The following PAPOLG variants were observed in gnomAD, a reference collection of about 807,000 sequenced individuals.
The protein encoded by PAPOLG is poly(A) polymerase gamma.
PAPOLG carries 40 observed loss-of-function variants against 99.0 expected under a neutral mutation model. The ratio of observed to expected loss-of-function variants is 0.40; its 90% CI spans 0.31 to 0.53. The LOEUF (loss-of-function observed/expected upper bound fraction) is 0.53, where lower values mean the gene tolerates loss of function less well. Ranked by LOEUF, PAPOLG falls within the 20% of genes least tolerant of loss-of-function variation. The pLI is 0.41. For missense variants in PAPOLG, 675 were observed against 884.1 expected (o/e 0.76, Z 3.00); for synonymous variants, 310 against 299.3 (o/e 1.04, Z -0.37).
Position 60,780,704 on chromosome 2 carries a change from C to G in PAPOLG, c.834-3C>G. ...GTAAGTTAATTTGCCTTATTCATGT[C>G]AGGGAATGGCCAAATCCTGTGCTGC... On this transcript the variant is annotated splice_polypyrimidine_tract_variant and splice_region_variant and intron_variant, in intron 9 of 21. Transcript: ENST00000238714. The G allele has an allele frequency of 6.2e-7, 1 of 1,613,872 alleles. No individual in the cohort carries two copies. Among genetic ancestry groups the G allele is most frequent in the Non-Finnish European group, 8.5e-7 (1 of 1,179,888 alleles).
At chr2:60,791,669 G>A in intron 15 of PAPOLG, 92 bp from the exon 16 acceptor site, 1 of 1,467,354 alleles carries the variant, frequency 6.8e-7, no homozygotes, top group Non-Finnish European at 9.1e-7. Context: ...TGATAGTGGG[G>A]AGATAGTAAA....
chr2:60,780,592 C>G (rs1288370676), intron 9 of PAPOLG, 115 bp from the exon 10 acceptor site: 3 of 1,119,454 alleles, frequency 2.7e-6, no homozygotes, highest in Non-Finnish European at 3.9e-6. Context: ...TCCTTTAATA[C>G]CAAATACCCA....
At chr2:60,791,980 TAAGG>T in intron 16 of PAPOLG, 98 bp downstream of exon 16, 1 of 1,483,412 alleles carries the variant, frequency 6.7e-7, no homozygotes, top group Non-Finnish European at 9.1e-7. Flanking sequence ...TTGAGAAAAA[TAAGG>T]AAGATATAGG....
intron 7 of PAPOLG, among the ~76,000 whole-genome samples, chr2:60,774,733 A>C (rs961637335): frequency 2.6e-5 from 4 of 152,174 alleles, no homozygotes; most frequent in African/African-American, 9.7e-5. Context: ...GTATTTGTGG[A>C]AAAGGTTTAC....
intron 1 of PAPOLG, among the ~76,000 whole-genome samples, chr2:60,759,914 C>T (rs1670473272): frequency 6.6e-6 from 1 of 152,186 alleles, no homozygotes; most frequent in Non-Finnish European, 1.5e-5. Flanking sequence ...CTTGAAAAAA[C>T]ATCCTAACCA....
In PAPOLG at chr2:60,761,798, C is replaced by T. The variant is rs201796983; in HGVS notation, c.237C>T (p.Ser79=). 8.9e-5 allele frequency: 141 copies of T among 1,591,208 alleles called. No individual in the cohort carries two copies. Among genetic ancestry groups the T allele is most frequent in the Non-Finnish European group, 1.1e-4 (129 of 1,159,796 alleles). Residue 79 remains serine, a synonymous_variant, in exon 3 of 22, where the codon AGC becomes AGT. Transcript: ENST00000238714. The stretch of plus-strand genomic sequence containing the variant: ...TAAAAGAATGGATTTCTGATGTCAG[C>T]GAGAGTAAGGTAAGACTCTAAACTA... ...NLVKEWISDV[S]ESKNLPPSVV... is the part of the protein sequence containing the mutation.
Position 60,791,816 on chromosome 2 carries a change from A to G in PAPOLG, c.1452A>G (p.Ala484=). The G allele has an allele frequency of 6.2e-7, 1 of 1,613,868 alleles. No individual in the cohort carries two copies. The highest frequency in any genetic ancestry group is 8.5e-7 in the Non-Finnish European group (1 of 1,179,926). Residue 484 remains alanine, a synonymous_variant, in exon 16 of 22, where the codon GCA becomes GCG. Coordinates refer to ENST00000238714, the MANE Select transcript of PAPOLG (RefSeq NM_022894.4). ...TAAAGGAGGGAATGAAAATTGAAGC[A>G]ACTCATGTAAAGAAAAAACAACTTC... is the stretch of plus-strand genomic sequence containing the variant. ...NMLKEGMKIE[A]THVKKKQLHH... is the part of the protein sequence containing the mutation.
In PAPOLG at chr2:60,795,026, A is replaced by G; in HGVS notation, c.2112+6A>G. The G allele has an allele frequency of 1.2e-6, 2 of 1,606,792 alleles. No homozygotes were observed. The highest frequency in any genetic ancestry group is 1.7e-6 in the Non-Finnish European group (2 of 1,173,726). On this transcript the variant is annotated splice_donor_region_variant and intron_variant, in intron 21 of 21. Coordinates refer to ENST00000238714, the MANE Select transcript of PAPOLG (RefSeq NM_022894.4). ...TTGATACATCACGCAAAAAGGTAAC[A>G]AGATAGTCTTGTTCATAGGTACAGT...
intron 3 of PAPOLG, among the ~76,000 whole-genome samples, chr2:60,764,548 C>T (rs1396089386): frequency 6.6e-6 from 1 of 152,066 alleles, no homozygotes; most frequent in Middle Eastern, 3.2e-3. Context: ...ACCTCAGCCT[C>T]CCTAGTAGCT....
At chr2:60,766,065 A>G (rs565003383) in intron 3 of PAPOLG, among the ~76,000 whole-genome samples, 109 of 152,246 alleles carry the variant, frequency 7.2e-4, no homozygotes, top group Non-Finnish European at 1.2e-3. Context: ...TATTATATAG[A>G]TACTTACATT....
At chr2:60,778,922 G>A (rs542276287) in intron 8 of PAPOLG, among the ~76,000 whole-genome samples, 2 of 151,988 alleles carry the variant, frequency 1.3e-5, no homozygotes, top group South Asian at 4.2e-4. Context: ...AATATAGATA[G>A]CTATATAAAA....
intron 21 of PAPOLG, 72 bp downstream of exon 21, chr2:60,795,092 G>A (rs957139610): frequency 7.6e-7 from 1 of 1,315,190 alleles, no homozygotes; most frequent in African/African-American, 1.5e-5. Context: ...AGTACAAAAG[G>A]CTTATTAAGA....
intron 15 of PAPOLG, among the ~76,000 whole-genome samples, chr2:60,790,935 A>G (rs1204455294): frequency 6.6e-6 from 1 of 152,166 alleles, no homozygotes; most frequent in Non-Finnish European, 1.5e-5. Context: ...CAAAAAATCC[A>G]AAAAGTAGCT....
chr2:60,791,809 T>C lies in PAPOLG; in HGVS notation c.1445T>C (p.Ile482Thr). 1 of 1,613,676 alleles carries C rather than the reference T, an allele frequency of 6.2e-7. No individual in the cohort carries two copies. Among genetic ancestry groups the C allele is most frequent in the Non-Finnish European group, 8.5e-7 (1 of 1,179,892 alleles). The change falls in exon 16 of 22, where the codon ATT becomes ACT. Residue 482 changes from isoleucine (I) to threonine (T), a missense_variant. Physicochemically the swap from Ile to Thr is moderately conservative, Grantham distance 89 (BLOSUM62 -1). This residue lies in a region of PAPOLG where 413 missense variants were observed against 460.5 expected (regional missense o/e 0.90). Transcript: ENST00000238714. ...AATATGCTAAAGGAGGGAATGAAAA[T>C]TGAAGCAACTCATGTAAAGAAAAAA... ...NINMLKEGMK[I>T]EATHVKKKQL...
At chr2:60,783,951 C>T (rs967584455) in intron 13 of PAPOLG, among the ~76,000 whole-genome samples, 8 of 152,112 alleles carry the variant, frequency 5.3e-5, no homozygotes, top group Non-Finnish European at 5.9e-5. Context: ...CTGATAGCTA[C>T]CATCTGAGTT....
At chr2:60,781,181 C>A (rs542642202) in intron 10 of PAPOLG, among the ~76,000 whole-genome samples, 54 of 152,184 alleles carry the variant, frequency 3.5e-4, no homozygotes, top group South Asian at 1.9e-3. Flanking sequence ...CGTGGTGAAA[C>A]CCCCTCTCTA....
chr2:60,781,798 T>C, intron 10 of PAPOLG, 87 bp from the exon 11 acceptor site: 1 of 1,539,798 alleles, frequency 6.5e-7, no homozygotes, highest in Non-Finnish European at 8.9e-7. Flanking sequence ...TAAATTTATA[T>C]TTCATATTCT....
intron 11 of PAPOLG, 133 bp downstream of exon 11, chr2:60,782,138 A>AT: frequency 3.0e-6 from 3 of 995,430 alleles, no homozygotes; most frequent in South Asian, 1.9e-5. Flanking sequence ...AAGTATGGTT[A>AT]TTTTGTTTTT....
intron 21 of PAPOLG, among the ~76,000 whole-genome samples, chr2:60,796,229 TTTTTTG>T (rs1322982714): frequency 2.6e-5 from 3 of 115,620 alleles, no homozygotes; most frequent in Non-Finnish European, 3.8e-5. Flanking sequence ...TTTTTTTTTT[TTTTTTG>T]GACATGGAGG....
Sources: allele counts gnomAD v4.1 joint callset (sites outside exome capture counted in the v4.1 genomes callset), GRCh38; gene constraint gnomAD v4.1.1; regional missense constraint gnomAD v4.1.1; transcripts MANE v1.5; gene names NCBI Gene and HGNC (gene_info 2026-07-23, HGNC 2026-07-21).